DCDC2C: variants seen among roughly 807,000 people sequenced by gnomAD.
The protein encoded by DCDC2C is doublecortin domain containing 2C, also known as doublecortin domain-containing protein 2C.
DCDC2C carries 44 observed loss-of-function variants against 45.0 expected under a neutral mutation model. The observed-to-expected ratio is 0.98, with a 90% CI of 0.77 to 1.26. The LOEUF is 1.26. Among genes scored for constraint, DCDC2C ranks in the 50% most tolerant of loss-of-function variants. The probability of loss-of-function intolerance (pLI) is 0.00; values close to 1 mark genes in which losing one functional copy is unlikely to be tolerated. For synonymous variants in DCDC2C, 187 were observed against 178.8 expected, an observed-to-expected ratio of 1.05 and a Z score of -0.37; for missense variants, 447 against 468.9, an observed-to-expected ratio of 0.95 and a Z score of 0.43.
chr2:3,803,732 A>G (rs2148205397), intron 10 of DCDC2C, among the ~76,000 whole-genome samples: 1 of 152,242 alleles, frequency 6.6e-6, no homozygotes, highest in South Asian at 2.1e-4. Context: ...TGAGCCTGGT[A>G]TTCAGTGCCT....
At chr2:3,713,460 C>A (rs554287677) in intron 2 of DCDC2C, among the ~76,000 whole-genome samples, 7 of 152,278 alleles carry the variant, frequency 4.6e-5, no homozygotes, top group African/African-American at 1.7e-4. Context: ...CCACCTCTTT[C>A]TAGGGTGAGT....
chr2:3,762,971 G>A (rs1669921561), intron 6 of DCDC2C, among the ~76,000 whole-genome samples: 1 of 152,080 alleles, frequency 6.6e-6, no homozygotes, highest in East Asian at 1.9e-4. Context: ...TGGGTGAAGG[G>A]CTGAATGTTG....
At chr2:3,808,048 A>G (rs1671297895) in intron 10 of DCDC2C, among the ~76,000 whole-genome samples, 1 of 152,214 alleles carries the variant, frequency 6.6e-6, no homozygotes, top group Non-Finnish European at 1.5e-5. Flanking sequence ...TAAGAGTGGG[A>G]TCGCTGAGTC....
chr2:3,781,195 A>G (rs1670498539), intron 9 of DCDC2C, among the ~76,000 whole-genome samples: 1 of 152,290 alleles, frequency 6.6e-6, no homozygotes. Context: ...TAACAATGAA[A>G]AAGAAGCAGG....
At chr2:3,763,742 A>C (rs956354264) in intron 6 of DCDC2C, among the ~76,000 whole-genome samples, 78 of 152,006 alleles carry the variant, frequency 5.1e-4, no homozygotes, top group African/African-American at 1.8e-3. Flanking sequence ...TTTAGAATGG[A>C]CTCTGCTCTT....
intron 3 of DCDC2C, among the ~76,000 whole-genome samples, chr2:3,731,794 T>C (rs1166476544): frequency 6.6e-6 from 1 of 152,202 alleles, no homozygotes; most frequent in Non-Finnish European, 1.5e-5. Context: ...TGATTTCCCA[T>C]GAACTGTCGT....
chr2:3,780,809 G>A (rs1186754752), intron 9 of DCDC2C, among the ~76,000 whole-genome samples: 3 of 152,212 alleles, frequency 2.0e-5, no homozygotes, highest in Non-Finnish European at 4.4e-5. Context: ...GCTTGTCGGC[G>A]TCACGCAGGA....
chr2:3,837,963 A>G (rs1374038935), intron 10 of DCDC2C, among the ~76,000 whole-genome samples: 1 of 152,192 alleles, frequency 6.6e-6, no homozygotes, highest in Non-Finnish European at 1.5e-5. Context: ...TTTCATACAC[A>G]GAGGCAGGGC....
intron 10 of DCDC2C, among the ~76,000 whole-genome samples, chr2:3,795,752 G>C (rs1485922814): frequency 8.2e-6 from 1 of 122,010 alleles, no homozygotes; most frequent in Admixed American, 8.1e-5. Context: ...CCAGTACCAT[G>C]CTGTTTTGGT....
chr2:3,805,540 A>C (rs1263191554), intron 10 of DCDC2C, among the ~76,000 whole-genome samples: 1 of 152,248 alleles, frequency 6.6e-6, no homozygotes, highest in Non-Finnish European at 1.5e-5. Flanking sequence ...GACCCTTGAA[A>C]AAACAGCAAC....
At chr2:3,824,908 C>A (rs1435295512) in intron 10 of DCDC2C, among the ~76,000 whole-genome samples, 3 of 152,116 alleles carry the variant, frequency 2.0e-5, no homozygotes, top group African/African-American at 7.2e-5. Flanking sequence ...GAGGACCTAT[C>A]AAAATCTGGA....
chr2:3,775,079 T>C (rs1336736526), intron 8 of DCDC2C, among the ~76,000 whole-genome samples: 1 of 152,094 alleles, frequency 6.6e-6, no homozygotes, highest in Non-Finnish European at 1.5e-5. Flanking sequence ...GTTTTTTTTT[T>C]TTTGGGTGAG....
At chr2:3,842,079 A>T (rs1672227970) in intron 10 of DCDC2C, among the ~76,000 whole-genome samples, 1 of 152,160 alleles carries the variant, frequency 6.6e-6, no homozygotes, top group African/African-American at 2.4e-5. Context: ...AGCAGGACTC[A>T]TGTGCTATTA....
intron 10 of DCDC2C, among the ~76,000 whole-genome samples, chr2:3,822,452 T>A (rs970564576): frequency 1.3e-5 from 2 of 152,276 alleles, no homozygotes; most frequent in East Asian, 1.9e-4. Context: ...TTCTGTGAAG[T>A]CAATAGTGTT....
intron 4 of DCDC2C, among the ~76,000 whole-genome samples, chr2:3,743,395 T>C (rs983956371): frequency 1.3e-5 from 2 of 152,102 alleles, no homozygotes; most frequent in African/African-American, 2.4e-5. Flanking sequence ...AATAACAACA[T>C]AAACCCAATA....
At chr2:3,802,232 G>A (rs748199557) in intron 10 of DCDC2C, among the ~76,000 whole-genome samples, 13 of 152,218 alleles carry the variant, frequency 8.5e-5, no homozygotes, top group Non-Finnish European at 1.8e-4. Flanking sequence ...GTTGCTGTAA[G>A]TAAATAAAAG....
intron 10 of DCDC2C, among the ~76,000 whole-genome samples, chr2:3,803,294 C>T (rs921137739): frequency 6.6e-6 from 1 of 151,926 alleles, no homozygotes; most frequent in African/African-American, 2.4e-5. Flanking sequence ...ACTGCTTGTC[C>T]ATCTGTTGGA....
chr2:3,748,796 T>C (rs959821250), intron 4 of DCDC2C, among the ~76,000 whole-genome samples: 2 of 152,114 alleles, frequency 1.3e-5, no homozygotes, highest in Admixed American at 6.6e-5. Flanking sequence ...TTGTCATCTC[T>C]CCTCTAGTAT....
intron 2 of DCDC2C, among the ~76,000 whole-genome samples, chr2:3,717,822 A>G (rs1315227635): frequency 6.6e-6 from 1 of 152,106 alleles, no homozygotes; most frequent in Admixed American, 6.5e-5. Context: ...AGGCCTCTTC[A>G]TGCGCCTATC....
Sources: allele counts gnomAD v4.1 joint callset (sites outside exome capture counted in the v4.1 genomes callset), GRCh38; gene constraint gnomAD v4.1.1; transcripts MANE v1.5; gene names NCBI Gene and HGNC (gene_info 2026-07-23, HGNC 2026-07-21).